Variants in NLGN1 observed in about 807,000 individuals in gnomAD.
NLGN1 encodes neuroligin-1.
Under a neutral mutation model 65.5 loss-of-function variants are expected in NLGN1, and 12 were observed. The observed-to-expected ratio is 0.18, with a 90% CI of 0.12 to 0.30. The LOEUF (loss-of-function observed/expected upper bound fraction) is 0.30. NLGN1 is among the 10% of genes least tolerant of loss of function. The pLI, the probability that NLGN1 is intolerant of heterozygous loss-of-function variation, is 1.00. For missense variants in NLGN1, 750 were observed against 1,007.1 expected, an observed-to-expected ratio of 0.74 and a Z score of 3.46; for synonymous variants, 350 against 359.5, an observed-to-expected ratio of 0.97 and a Z score of 0.30.
At chr3:173,918,488 C>T (rs748950646) in intron 4 of NLGN1, among the ~76,000 whole-genome samples, 2 of 151,828 alleles carry the variant, frequency 1.3e-5, no homozygotes, top group African/African-American at 2.4e-5. Flanking sequence ...CAAAGATTAG[C>T]GCCATGCGGC....
At chr3:173,996,101 T>C (rs1237844533) in intron 4 of NLGN1, among the ~76,000 whole-genome samples, 2 of 152,180 alleles carry the variant, frequency 1.3e-5, no homozygotes, top group East Asian at 3.9e-4. Flanking sequence ...TGTATTTCTT[T>C]GTTGCCATTT....
At position 173,500,352 on chromosome 3, in the gene NLGN1, G is replaced by A. The variant is rs562029849; in HGVS notation, c.-321+65274G>A. 1.2e-4 allele frequency among the ~76,000 whole-genome samples: 18 copies of A among 152,188 alleles called. No homozygotes were observed. In the East Asian group the frequency reaches 2.1e-3, roughly 18 times the overall value. On this transcript the variant is annotated intron_variant, in intron 2 of 6. Transcript: ENST00000457714. ...TGGTTCTGTTTATATGCTGGATTAC[G>A]TTTATTGATTTGCATATGTTGAACC...
intron 4 of NLGN1, among the ~76,000 whole-genome samples, chr3:174,268,092 A>G (rs1748625097): frequency 6.6e-6 from 1 of 152,146 alleles, no homozygotes; most frequent in Non-Finnish European, 1.5e-5. Flanking sequence ...TATGATAGAC[A>G]TTGTCGTTTC....
At chr3:173,695,531 AT>A in intron 3 of NLGN1, 1 of 349,452 alleles carries the variant, frequency 2.9e-6, no homozygotes, top group South Asian at 2.3e-5. Context: ...ATATATTCAA[AT>A]TTTTTATCTT....
In NLGN1 at chr3:174,279,177, G is replaced by A. The variant is rs759236717; in HGVS notation, c.1176G>A (p.Gly392=). ...TGTTAGGAGTGAACCAAGGGGAAGG[G>A]TTAAAATTTGTTGAAAATATAGTAG... Residue 392 remains glycine, a synonymous_variant, in exon 6 of 7, where the codon GGG becomes GGA. Transcript: ENST00000457714. This position sits in a 1 kb window ranked among gnomAD's most constrained non-coding sequence, Gnocchi z 4.7. 84 of 1,613,264 alleles carry A rather than the reference G, an allele frequency of 5.2e-5. No homozygotes were observed. In the Admixed American group the frequency reaches 5.3e-4, roughly 10 times the overall value.
At chr3:174,086,333 A>T (rs1313293244) in intron 4 of NLGN1, among the ~76,000 whole-genome samples, 3 of 148,222 alleles carry the variant, frequency 2.0e-5, no homozygotes, top group Middle Eastern at 3.7e-3. Context: ...ATATTTATGT[A>T]TGTGCATATG....
At position 174,275,295 on chromosome 3, in the gene NLGN1, T is replaced by C; in HGVS notation, c.647-20T>C. The C allele has an allele frequency of 1.3e-6, 2 of 1,592,292 alleles. No homozygotes were observed. The highest frequency in any genetic ancestry group is 1.7e-6 in the Non-Finnish European group (2 of 1,161,752). Reference sequence around the variant, plus strand: ...ATTCACGTCAGCTCAAAACGTGTTTTCTAAATTTATATTTTTCAGGTTTCT... The same window carrying C: ...ATTCACGTCAGCTCAAAACGTGTTTCCTAAATTTATATTTTTCAGGTTTCT... On this transcript the variant is annotated intron_variant, in intron 4 of 6. Coordinates refer to ENST00000457714, the Ensembl canonical transcript of NLGN1.
At chr3:173,962,731 T>G (rs1231004966) in intron 4 of NLGN1, among the ~76,000 whole-genome samples, 1 of 152,172 alleles carries the variant, frequency 6.6e-6, no homozygotes, top group Non-Finnish European at 1.5e-5. Flanking sequence ...AATATGTTCT[T>G]GGATTTGACC....
chr3:173,940,119 G>A (rs1399461593), intron 4 of NLGN1, among the ~76,000 whole-genome samples: 2 of 106,396 alleles, frequency 1.9e-5, no homozygotes, highest in Non-Finnish European at 3.4e-5. Context: ...ATGGAGTCTC[G>A]CTCTTGTTGC....
At chr3:173,441,255 G>A (rs768615659) in intron 2 of NLGN1, among the ~76,000 whole-genome samples, 4 of 152,124 alleles carry the variant, frequency 2.6e-5, no homozygotes, top group East Asian at 1.9e-4. Flanking sequence ...GCAATAACGC[G>A]TTGTTTTGCT....
chr3:174,138,131 T>G (rs1041755954), intron 4 of NLGN1, among the ~76,000 whole-genome samples: 10 of 152,174 alleles, frequency 6.6e-5, no homozygotes, highest in African/African-American at 2.4e-4. Context: ...TGTTAAAAAC[T>G]TGGCATTGGG....
At chr3:174,163,732 C>G (rs191701275) in intron 4 of NLGN1, among the ~76,000 whole-genome samples, 1 of 152,138 alleles carries the variant, frequency 6.6e-6, no homozygotes, top group Non-Finnish European at 1.5e-5. Context: ...TGGCCTTCTG[C>G]TGCTTCAACG....
At chr3:173,875,927 A>G (rs1398418809) in intron 4 of NLGN1, among the ~76,000 whole-genome samples, 1 of 152,198 alleles carries the variant, frequency 6.6e-6, no homozygotes, top group East Asian at 1.9e-4. Flanking sequence ...GATGCTTACA[A>G]AGAGTTTAGT....
chr3:174,274,107 A>C (rs879900712), intron 4 of NLGN1, among the ~76,000 whole-genome samples: 28 of 151,774 alleles, frequency 1.8e-4, no homozygotes, highest in Non-Finnish European at 3.2e-4. Context: ...TTAGTTCTAT[A>C]AACTTGTTGA....
At chr3:173,406,648 A>C (rs142495208) in intron 1 of NLGN1, among the ~76,000 whole-genome samples, 1 of 151,616 alleles carries the variant, frequency 6.6e-6, no homozygotes, top group South Asian at 2.1e-4. Flanking sequence ...AGATGCTACT[A>C]TTTGTGGATA....
chr3:173,721,617 T>C (rs1770850602), intron 3 of NLGN1, among the ~76,000 whole-genome samples: 1 of 152,164 alleles, frequency 6.6e-6, no homozygotes, highest in Non-Finnish European at 1.5e-5. Flanking sequence ...CAACAACCCA[T>C]TGGGTTTTTC....
At chr3:173,725,111 G>A (rs986881452) in intron 3 of NLGN1, among the ~76,000 whole-genome samples, 10 of 151,830 alleles carry the variant, frequency 6.6e-5, no homozygotes, top group Admixed American at 2.6e-4. Flanking sequence ...ACACCAACAC[G>A]GCACATGGAT....
chr3:173,974,754 C>T (rs1295594754), intron 4 of NLGN1, among the ~76,000 whole-genome samples: 2 of 152,012 alleles, frequency 1.3e-5, no homozygotes, highest in African/African-American at 4.8e-5. Context: ...TACAGTACTT[C>T]CTACAGCAGG....
chr3:173,829,480 C>T (rs1722028049), intron 4 of NLGN1, among the ~76,000 whole-genome samples: 1 of 118,106 alleles, frequency 8.5e-6, no homozygotes, highest in South Asian at 2.6e-4. Context: ...ACATTGTGTA[C>T]TGATTACCAT....
Sources: gnomAD v4.1 joint callset for allele counts (sites outside exome capture counted in the v4.1 genomes callset) on GRCh38, gnomAD v4.1.1 for gene constraint, Gnocchi (gnomAD v3.1) non-coding constraint, MANE v1.5 for transcripts, NCBI Gene and HGNC (gene_info 2026-07-23, HGNC 2026-07-21) for gene names.